Variants in COL6A3 observed in about 807,000 individuals in gnomAD.
The protein encoded by COL6A3 is collagen alpha-3(VI) chain.
In COL6A3, 137 loss-of-function variants were observed where a neutral mutation model predicts 274.1. That is an observed-to-expected ratio of 0.50 (90% CI 0.44 to 0.58). The LOEUF (loss-of-function observed/expected upper bound fraction) is 0.58. COL6A3 is among the 20% of genes least tolerant of loss of function. The pLI, the probability that COL6A3 is intolerant of heterozygous loss-of-function variation, is 0.00. For missense variants in COL6A3, 3,950 were observed against 4,124.9 expected (o/e 0.96, Z 1.16); for synonymous variants, 1,650 against 1,650.6 (o/e 1.00, Z 0.01).
chr2:237,346,676 C>T, intron 31 of COL6A3, 111 bp from the exon 32 acceptor site: 1 of 936,556 alleles, frequency 1.1e-6, no homozygotes, highest in Non-Finnish European at 1.7e-6. Flanking sequence ...ACTCCATCAC[C>T]ACGAAAAATC....
At chr2:237,373,657 T>C (rs987716392) in intron 8 of COL6A3, among the ~76,000 whole-genome samples, 1 of 152,084 alleles carries the variant, frequency 6.6e-6, no homozygotes, top group Non-Finnish European at 1.5e-5. Context: ...GGCAAGTGAG[T>C]GCATATGAGG....
chr2:237,384,268 C>T (rs1055129506), intron 4 of COL6A3, among the ~76,000 whole-genome samples: 2 of 152,090 alleles, frequency 1.3e-5, no homozygotes, highest in Admixed American at 6.5e-5. Flanking sequence ...ATACGCATTT[C>T]CTTCCACTTG....
At chr2:237,333,339 C>T (rs1383791831) in intron 42 of COL6A3, 111 bp downstream of exon 42, 1 of 952,216 alleles carries the variant, frequency 1.1e-6, no homozygotes, top group Non-Finnish European at 1.7e-6. Context: ...TGGACCTTTT[C>T]CCCCATAGAA....
intron 42 of COL6A3, chr2:237,328,449 T>A (rs927894671): frequency 7.9e-5 from 12 of 152,176 alleles, no homozygotes; most frequent in African/African-American, 2.7e-4. Flanking sequence ...CAGGAGTGGA[T>A]GTGCATGTGC....
chr2:237,351,392 A>C (rs2077203531), intron 26 of COL6A3, among the ~76,000 whole-genome samples, 200 bp from the exon 27 acceptor site: 1 of 152,266 alleles, frequency 6.6e-6, no homozygotes, highest in Non-Finnish European at 1.5e-5. Flanking sequence ...TGGCATGCAC[A>C]AATTTAAAAC....
chr2:237,326,271 G>A (rs73998051), intron 42 of COL6A3: 1,648 of 151,756 alleles, frequency 0.011, 32 homozygotes, highest in African/African-American at 0.037. Context: ...GTGTGTGTGT[G>A]TATGCACGTA....
rs1320399927 is a variant in COL6A3 at position 237,378,679 on chromosome 2, T to C, written c.2454A>G (p.Thr818=). The C allele has an allele frequency of 6.2e-7, 1 of 1,613,308 alleles. No individual in the cohort carries two copies. Among genetic ancestry groups the C allele is most frequent in the East Asian group, 2.2e-5 (1 of 44,902 alleles). The change falls in exon 6 of 44, where the codon ACA becomes ACG. Residue 818 remains threonine, a synonymous_variant. Transcript: ENST00000295550. The part of the protein sequence containing the change: ...LPQQLIQPLT[T]YVSGGVEEVP... ...CTTCCTCCACACCTCCACTAACATA[T>C]GTGGTTAGGGGCTGAATCAGCTGCT... is the stretch of plus-strand genomic sequence containing the variant.
intron 14 of COL6A3, among the ~76,000 whole-genome samples, chr2:237,362,357 C>A (rs2106344792): frequency 6.6e-6 from 1 of 152,312 alleles, no homozygotes; most frequent in Admixed American, 6.5e-5. Flanking sequence ...GCCTCGGAGC[C>A]AAAAGCTTCT....
chr2:237,412,382 C>T (rs951279296), intron 1 of COL6A3, among the ~76,000 whole-genome samples: 1 of 152,186 alleles, frequency 6.6e-6, no homozygotes, highest in African/African-American at 2.4e-5. Flanking sequence ...GTTTTCCCAA[C>T]GAGATGTGAG....
chr2:237,324,612 T>C lies in COL6A3; in HGVS notation c.*162A>G, dbSNP rs1699832350. Reference sequence around the variant, plus strand: ...GTCCACAGACACATTAGCACCATACTGATAGGTCATGCAGCAGGATGTTCC... The same window carrying C: ...GTCCACAGACACATTAGCACCATACCGATAGGTCATGCAGCAGGATGTTCC... On this transcript the variant is annotated 3_prime_UTR_variant, in exon 44 of 44. Transcript: ENST00000295550. 2 of 690,396 alleles carry C rather than the reference T, an allele frequency of 2.9e-6. No homozygotes were observed. Among genetic ancestry groups the C allele is most frequent in the Admixed American group, 2.0e-5 (1 of 48,832 alleles). 42.8% of individuals were successfully genotyped at this position (690,396 alleles called of 1,614,324 possible).
chr2:237,353,146 G>C (rs1428541204), intron 25 of COL6A3, among the ~76,000 whole-genome samples, 195 bp downstream of exon 25: 1 of 152,216 alleles, frequency 6.6e-6, no homozygotes, highest in Non-Finnish European at 1.5e-5. Context: ...GACTGCTAAT[G>C]GGTACAGGTC....
At chr2:237,331,561 C>T (rs1371936440) in intron 42 of COL6A3, among the ~76,000 whole-genome samples, 5 of 152,064 alleles carry the variant, frequency 3.3e-5, no homozygotes, top group East Asian at 1.9e-4. Context: ...CAATTGCTTT[C>T]GCACCAACCT....
Position 237,374,616 on chromosome 2 carries a change from C to G in COL6A3, c.3475G>C (p.Gly1159Arg), listed in dbSNP as rs146313030. 3 of 1,614,074 alleles carry G rather than the reference C, an allele frequency of 1.9e-6. No homozygotes were observed. The African/African-American group carries it at 4.0e-5, about 22-fold the overall frequency. The change falls in exon 8 of 44, where the codon GGG (glycine) becomes CGG (arginine). Residue 1159 changes from glycine (G) to arginine (R), a missense_variant. Physicochemically the swap from Gly to Arg is moderately radical, Grantham distance 125. Around this residue, in one of 5 missense-constraint regions of COL6A3, gnomAD observed 1,934 missense variants for 1,984.3 expected, o/e 0.97. Coordinates refer to ENST00000295550, the MANE Select transcript of COL6A3 (RefSeq NM_004369.4). This position sits in a 1 kb window ranked among gnomAD's most constrained non-coding sequence, Gnocchi z 4.8. ...RNPSVVVKRG[G>R]AVPIGIGIGN... ...ATGCCAATGCCAATGGGCACAGCCC[C>G]ACCCCTCTTCACGACCACGGAGGGG...
At chr2:237,387,040 A>G (rs763165154) in intron 4 of COL6A3, among the ~76,000 whole-genome samples, 6 of 152,196 alleles carry the variant, frequency 3.9e-5, no homozygotes, top group Non-Finnish European at 8.8e-5. Flanking sequence ...AACTTCATAA[A>G]TATTTCATCA....
intron 1 of COL6A3, among the ~76,000 whole-genome samples, chr2:237,411,289 AG>A (rs1301661246): frequency 2.0e-5 from 3 of 152,204 alleles, no homozygotes; most frequent in Admixed American, 6.5e-5. Context: ...TGCGCCTGCA[AG>A]GAAGTGTCAC....
intron 42 of COL6A3, chr2:237,325,953 G>T: frequency 2.2e-6 from 1 of 451,216 alleles, no homozygotes; most frequent in Non-Finnish European, 3.9e-6. Flanking sequence ...TCAATGAAAG[G>T]GCTTCATAAA....
At position 237,336,516 on chromosome 2, in the gene COL6A3, C is replaced by A; in HGVS notation, c.8584G>T (p.Val2862Phe). The A allele has an allele frequency of 6.2e-7, 1 of 1,614,170 alleles. No homozygotes were observed. Among genetic ancestry groups the A allele is most frequent in the Non-Finnish European group, 8.5e-7 (1 of 1,180,028 alleles). The change falls in exon 40 of 44, where the codon GTT becomes TTT. Residue 2862 changes from valine to phenylalanine, a missense_variant. Around this residue, in one of 5 missense-constraint regions of COL6A3, gnomAD observed 1,284 missense variants for 1,349.7 expected, o/e 0.95. Transcript: ENST00000295550. ...GGGTTGGATGTAGGACTTGAAGTAA[C>A]GTTATTCGGAACATTTCTGTTAAGA... ...GHKQVNVPNN[V>F]TSSPTSNPVT...
chr2:237,358,506 T>C lies in COL6A3; in HGVS notation c.6471+15A>G, dbSNP rs981176536. 6.2e-7 allele frequency: 1 copy of C among 1,611,458 alleles called. No homozygotes were observed. The highest frequency in any genetic ancestry group is 1.3e-5 in the African/African-American group (1 of 74,884). On this transcript the variant is annotated intron_variant, in intron 21 of 43. Coordinates refer to ENST00000295550, the MANE Select transcript of COL6A3 (RefSeq NM_004369.4). ...CCAGGCTCAGGTCTGAAATCGTCAA[T>C]AAAGAAATCTTTACCGGGTCCCCTC...
intron 1 of COL6A3, among the ~76,000 whole-genome samples, chr2:237,411,380 C>T (rs531996944): frequency 6.6e-6 from 1 of 152,288 alleles, no homozygotes; most frequent in South Asian, 2.1e-4. Context: ...TGATATCAAC[C>T]GCTGGTGAAG....
Sources: allele counts gnomAD v4.1 joint callset (sites outside exome capture counted in the v4.1 genomes callset), GRCh38; gene constraint gnomAD v4.1.1; regional missense constraint gnomAD v4.1.1; non-coding constraint Gnocchi (gnomAD v3.1); transcripts MANE v1.5; gene names NCBI Gene and HGNC (gene_info 2026-07-23, HGNC 2026-07-21).